Variants in TIAM1 observed in about 807,000 individuals in gnomAD.
The protein encoded by TIAM1 is rho guanine nucleotide exchange factor TIAM1.
In TIAM1, 65 loss-of-function variants were observed where a neutral mutation model predicts 163.5. The ratio of observed to expected loss-of-function variants is 0.40; its 90% CI spans 0.33 to 0.49. The LOEUF (loss-of-function observed/expected upper bound fraction) is 0.49. Among genes scored for constraint, TIAM1 ranks in the 20% least tolerant of loss-of-function variants. The pLI, the probability that TIAM1 is intolerant of heterozygous loss-of-function variation, is 0.77. For missense variants in TIAM1, 1,789 were observed against 2,044.7 expected, an observed-to-expected ratio of 0.87 and a Z score of 2.41; for synonymous variants, 833 against 810.1, an observed-to-expected ratio of 1.03 and a Z score of -0.48.
At position 31,372,915 on chromosome 21, in the gene TIAM1, C is replaced by T. The variant is rs139245128; in HGVS notation, c.-368-33493G>A. 8.9e-3 allele frequency among the ~76,000 whole-genome samples: 1,353 copies of T among 151,958 alleles called. 19 individuals are homozygous for T. The highest frequency in any genetic ancestry group is 0.031 in the African/African-American group (1,276 of 41,450). ...TACTAAAAATACAAAATTAGCCAGG[C>T]GTGGTGGCGCATGCCTGTAATAGCA... On this transcript the variant is annotated intron_variant, in intron 2 of 28. Coordinates refer to the TIAM1 transcript ENST00000286827.
intron 1 of TIAM1, among the ~76,000 whole-genome samples, chr21:31,521,797 A>C (rs1412104959): frequency 6.9e-6 from 1 of 144,740 alleles, no homozygotes; most frequent in Non-Finnish European, 1.6e-5. Flanking sequence ...GACAGTAAGA[A>C]CTCTAATAAT....
intron 8 of TIAM1, among the ~76,000 whole-genome samples, chr21:31,218,294 G>A (rs946406954): frequency 6.6e-6 from 1 of 152,180 alleles, no homozygotes; most frequent in South Asian, 2.1e-4. Context: ...TAGGCCAGGT[G>A]CGGTGGCTCA....
intron 11 of TIAM1, 44 bp from the exon 12 acceptor site, chr21:31,203,056 G>C (rs779107712): frequency 1.2e-5 from 18 of 1,465,806 alleles, no homozygotes; most frequent in Non-Finnish European, 1.7e-5. Flanking sequence ...CTGTTCAATA[G>C]TAAATAGGCA....
At chr21:31,436,389 G>A (rs1387774960) in intron 2 of TIAM1, among the ~76,000 whole-genome samples, 1 of 152,146 alleles carries the variant, frequency 6.6e-6, no homozygotes, top group Admixed American at 6.5e-5. Context: ...TGTAATCTCA[G>A]CACTTTGGGA....
intron 2 of TIAM1, among the ~76,000 whole-genome samples, chr21:31,392,555 A>G (rs2076984677): frequency 7.1e-6 from 1 of 140,682 alleles, no homozygotes; most frequent in Non-Finnish European, 1.5e-5. Context: ...GGGCAACAAG[A>G]GCAAAACTCT....
At chr21:31,210,502 A>G (rs561736205) in intron 10 of TIAM1, among the ~76,000 whole-genome samples, 1 of 147,864 alleles carries the variant, frequency 6.8e-6, no homozygotes, top group East Asian at 2.0e-4. Context: ...TTGGAAGAAA[A>G]GAAAGAAAGA....
chr21:31,188,831 C>T (rs563553642), intron 13 of TIAM1, among the ~76,000 whole-genome samples: 1 of 152,174 alleles, frequency 6.6e-6, no homozygotes, highest in Non-Finnish European at 1.5e-5. Context: ...ACCTCAGCCT[C>T]TCACAGTGTT....
At chr21:31,352,089 C>G (rs979848887) in intron 2 of TIAM1, among the ~76,000 whole-genome samples, 1 of 151,606 alleles carries the variant, frequency 6.6e-6, no homozygotes, top group African/African-American at 2.4e-5. Context: ...AAAAGTGCAT[C>G]TTTGCTAACG....
intron 13 of TIAM1, among the ~76,000 whole-genome samples, chr21:31,187,965 C>T (rs1259650132): frequency 6.6e-6 from 1 of 152,004 alleles, no homozygotes; most frequent in East Asian, 1.9e-4. Flanking sequence ...TTGTATATAT[C>T]TGCAATAATT....
chr21:31,503,767 G>T (rs375050801), intron 1 of TIAM1, among the ~76,000 whole-genome samples: 1 of 150,994 alleles, frequency 6.6e-6, no homozygotes, highest in East Asian at 2.0e-4. Context: ...AGTAAAGTCC[G>T]CCCTCAGAAG....
At chr21:31,295,435 A>C (rs1047201583) in intron 2 of TIAM1, among the ~76,000 whole-genome samples, 8 of 135,696 alleles carry the variant, frequency 5.9e-5, no homozygotes, top group African/African-American at 2.2e-4. Flanking sequence ...ACGCCACTGC[A>C]TTCCAGCCTG....
In TIAM1 at chr21:31,245,589, C is replaced by T. The variant is rs375094556; in HGVS notation, c.1483G>A (p.Val495Ile). ...TGCACAATGCTGTTCTCCACCCAGA[C>T]GGCGTGTTTGGGGATGCTGTTGTGG... is the stretch of plus-strand genomic sequence containing the variant. ...IDHNSIPKHA[V>I]WVENSIVQAV... Residue 495 changes from valine (V) to isoleucine (I), a missense_variant, in exon 6 of 28, where the codon GTC becomes ATC. Around this residue, in one of 5 missense-constraint regions of TIAM1, gnomAD observed 456 missense variants for 586.6 expected, o/e 0.78. Coordinates refer to ENST00000541036, the MANE Select transcript of TIAM1 (RefSeq NM_001353694.2). The T allele has an allele frequency of 3.7e-5, 60 of 1,608,298 alleles. No individual in the cohort carries two copies. Among genetic ancestry groups the T allele is most frequent in the African/African-American group, 6.7e-5 (5 of 74,672 alleles).
intron 1 of TIAM1, among the ~76,000 whole-genome samples, chr21:31,540,159 G>A (rs1007610281): frequency 1.3e-5 from 2 of 152,202 alleles, no homozygotes; most frequent in Non-Finnish European, 2.9e-5. Context: ...GCCAAGGCAG[G>A]TGGATTACTG....
At chr21:31,236,099 G>C (rs1278720322) in intron 6 of TIAM1, among the ~76,000 whole-genome samples, 2 of 152,180 alleles carry the variant, frequency 1.3e-5, no homozygotes, top group African/African-American at 4.8e-5. Context: ...CCCTGTACCA[G>C]CTATTCAGTG....
At chr21:31,418,831 T>C (rs1459490366) in intron 2 of TIAM1, among the ~76,000 whole-genome samples, 1 of 152,202 alleles carries the variant, frequency 6.6e-6, no homozygotes, top group African/African-American at 2.4e-5. Flanking sequence ...GGCCTTTTGC[T>C]GCAAGCAGGG....
intron 15 of TIAM1, among the ~76,000 whole-genome samples, chr21:31,179,877 C>T (rs766833310): frequency 2.5e-4 from 38 of 151,114 alleles, no homozygotes; most frequent in African/African-American, 7.8e-4. Context: ...AGCAAACACA[C>T]GTACACGTAC....
intron 2 of TIAM1, among the ~76,000 whole-genome samples, chr21:31,412,246 G>A (rs1461498149): frequency 6.6e-6 from 1 of 152,210 alleles, no homozygotes; most frequent in Non-Finnish European, 1.5e-5. Context: ...GCTGTAGAGT[G>A]TGGAACGATA....
Position 31,141,325 on chromosome 21 carries a change from C to G in TIAM1, c.3655G>C (p.Val1219Leu). The G allele has an allele frequency of 6.2e-7, 1 of 1,613,954 alleles. No individual in the cohort carries two copies. Residue 1219 changes from valine to leucine, a missense_variant and splice_region_variant, in exon 21 of 28, where the codon GTG becomes CTG. Val to Leu is a conservative substitution (Grantham distance 32). Transcript: ENST00000541036. This position sits in a 1 kb window ranked among gnomAD's most constrained non-coding sequence, Gnocchi z 4.7. ...CCGGGGGTCCCAGGCCGAGGCCTAC[C>G]GTCCAGGTGGTAGTGCTCCTCGCTC... is the stretch of plus-strand genomic sequence containing the variant. ...AESEEHYHLD[V>L]AIKTMNKVAS...
chr21:31,364,601 G>A (rs143271687), intron 2 of TIAM1, among the ~76,000 whole-genome samples: 1 of 152,208 alleles, frequency 6.6e-6, no homozygotes, highest in Non-Finnish European at 1.5e-5. Flanking sequence ...TTGTTAATAA[G>A]AGTTCTGTAC....
Sources: gnomAD v4.1 joint callset for allele counts (sites outside exome capture counted in the v4.1 genomes callset) on GRCh38, gnomAD v4.1.1 for gene constraint, gnomAD v4.1.1 regional missense constraint, Gnocchi (gnomAD v3.1) non-coding constraint, MANE v1.5 for transcripts, NCBI Gene and HGNC (gene_info 2026-07-23, HGNC 2026-07-21) for gene names.